Variants in LINGO2 observed in about 807,000 individuals in gnomAD.
LINGO2 encodes the protein leucine-rich repeat and immunoglobulin-like domain-containing nogo receptor-interacting protein 2.
Under a neutral mutation model 30.6 loss-of-function variants are expected in LINGO2, and 14 were observed. The ratio of observed to expected loss-of-function variants is 0.46; its 90% CI spans 0.30 to 0.72. The LOEUF (loss-of-function observed/expected upper bound fraction) is 0.72. LINGO2 is among the 30% of genes least tolerant of loss of function. The probability of loss-of-function intolerance (pLI) is 0.07; values close to 1 mark genes in which losing one functional copy is unlikely to be tolerated. For synonymous variants in LINGO2, 317 were observed against 288.5 expected, an observed-to-expected ratio of 1.10 and a Z score of -1.00; for missense variants, 729 against 751.7, an observed-to-expected ratio of 0.97 and a Z score of 0.35.
intron 3 of LINGO2, among the ~76,000 whole-genome samples, chr9:28,328,622 C>CATAAA (rs1259113634): frequency 6.6e-6 from 1 of 150,974 alleles, no homozygotes; most frequent in Non-Finnish European, 1.5e-5. Flanking sequence ...TTGGGAATGG[C>CATAAA]ATAAAACAAA....
intron 1 of LINGO2, among the ~76,000 whole-genome samples, chr9:28,568,114 A>C (rs544623982): frequency 1.4e-4 from 21 of 152,282 alleles, no homozygotes; most frequent in Admixed American, 1.2e-3. Flanking sequence ...CCCACAGTGA[A>C]CAAATTCTGA....
At chr9:29,141,177 A>G in the LINGO2 span, among the ~76,000 whole-genome samples, 7 of 152,068 alleles carry the variant, frequency 4.6e-5, no homozygotes, top group Admixed American at 3.3e-4. Flanking sequence ...AAATAACTTT[A>G]AACACTGGTA....
chr9:28,266,286 T>C (rs1176856713), intron 4 of LINGO2, among the ~76,000 whole-genome samples: 2 of 152,106 alleles, frequency 1.3e-5, no homozygotes, highest in South Asian at 2.1e-4. Context: ...ATTACTTGAA[T>C]AGTATAATGT....
At chr9:28,946,576 A>T in the LINGO2 span, among the ~76,000 whole-genome samples, 1 of 152,154 alleles carries the variant, frequency 6.6e-6, no homozygotes, top group African/African-American at 2.4e-5. Context: ...AATATCTTCC[A>T]TGCATTCACT....
chr9:28,102,280 T>A (rs1203112527), intron 4 of LINGO2, among the ~76,000 whole-genome samples: 1 of 151,978 alleles, frequency 6.6e-6, no homozygotes, highest in Non-Finnish European at 1.5e-5. Flanking sequence ...AACAGCCATG[T>A]GGGAAACTAG....
the LINGO2 span, among the ~76,000 whole-genome samples, chr9:29,085,791 T>C: frequency 3.3e-5 from 5 of 152,158 alleles, no homozygotes. Context: ...ATTAGATAAA[T>C]GTTTATCCAC....
chr9:28,331,773 A>G (rs191083432), intron 3 of LINGO2, among the ~76,000 whole-genome samples: 221 of 152,234 alleles, frequency 1.5e-3, no homozygotes, highest in African/African-American at 5.2e-3. Flanking sequence ...CCCCAAAATG[A>G]TAGGATTACA....
chr9:28,802,148 G>C, the LINGO2 span, among the ~76,000 whole-genome samples: 1 of 151,844 alleles, frequency 6.6e-6, no homozygotes, highest in African/African-American at 2.4e-5. Context: ...TTACCTTCTA[G>C]AATATAAATT....
At position 28,130,501 on chromosome 9, in the gene LINGO2, T is replaced by A. The variant is rs578218560; in HGVS notation, c.-86-118096A>T. ...CACCATGTTACCACTGACAGTCATT[T>A]AATCTCTGTTAGAAATACCTGTAGA... is the stretch of plus-strand genomic sequence containing the variant. On this transcript the variant is annotated intron_variant, in intron 4 of 5. Transcript: ENST00000379992. The surrounding 1 kb of genome is among the most constrained non-coding windows in gnomAD (Gnocchi z 5.2). Among the ~76,000 whole-genome samples, 1 of 152,356 alleles carries A rather than the reference T, an allele frequency of 6.6e-6. No homozygotes were observed. Among genetic ancestry groups the A allele is most frequent in the South Asian group, 2.1e-4 (1 of 4,830 alleles).
chr9:28,996,938 T>C, the LINGO2 span, among the ~76,000 whole-genome samples: 1 of 152,122 alleles, frequency 6.6e-6, no homozygotes, highest in Non-Finnish European at 1.5e-5. Flanking sequence ...ACATTGTATG[T>C]GTGTGTGTTC....
chr9:28,237,448 C>A (rs1821614277), intron 4 of LINGO2, among the ~76,000 whole-genome samples: 1 of 152,026 alleles, frequency 6.6e-6, no homozygotes, highest in South Asian at 2.1e-4. Flanking sequence ...ACTTATCTGT[C>A]ACTCAATAAT....
chr9:29,122,020 G>A, the LINGO2 span, among the ~76,000 whole-genome samples: 1 of 152,026 alleles, frequency 6.6e-6, no homozygotes, highest in East Asian at 1.9e-4. Flanking sequence ...AAACTTAAGG[G>A]TAGAAACTCA....
chr9:28,783,712 T>G, the LINGO2 span, among the ~76,000 whole-genome samples: 1 of 152,176 alleles, frequency 6.6e-6, no homozygotes, highest in South Asian at 2.1e-4. Flanking sequence ...ACATTCCAAA[T>G]AGAGGGAACT....
the LINGO2 span, among the ~76,000 whole-genome samples, chr9:29,020,992 C>A: frequency 3.3e-5 from 5 of 151,854 alleles, no homozygotes; most frequent in African/African-American, 1.2e-4. Flanking sequence ...GGATTTGAGG[C>A]AAAGGTGTGG....
At chr9:28,840,472 T>C in the LINGO2 span, among the ~76,000 whole-genome samples, 1 of 151,870 alleles carries the variant, frequency 6.6e-6, no homozygotes, top group Non-Finnish European at 1.5e-5. Context: ...CATTCTTCTA[T>C]GACATAACAA....
chr9:28,650,721 CAACA>C (rs1023869217), intron 1 of LINGO2, among the ~76,000 whole-genome samples: 120 of 152,224 alleles, frequency 7.9e-4, no homozygotes, highest in African/African-American at 2.6e-3. Flanking sequence ...TCTACATTCT[CAACA>C]AACAAACAAA....
chr9:27,949,958 C>G, exon 6 of LINGO2: 1 of 1,614,064 alleles, frequency 6.2e-7, no homozygotes, highest in Admixed American at 1.7e-5. Context: ...GCATCATATC[C>G]AGTAAAGGCC....
chr9:28,194,863 G>C (rs985408953), intron 4 of LINGO2, among the ~76,000 whole-genome samples: 4 of 151,862 alleles, frequency 2.6e-5, no homozygotes, highest in African/African-American at 9.7e-5. Context: ...AATGTACAAA[G>C]ATCTAACAAT....
the LINGO2 span, among the ~76,000 whole-genome samples, chr9:29,209,824 A>G: frequency 6.6e-6 from 1 of 152,170 alleles, no homozygotes; most frequent in Admixed American, 6.5e-5. Context: ...TATGACAAAG[A>G]GAAATATTTA....
Sources: allele counts gnomAD v4.1 joint callset (sites outside exome capture counted in the v4.1 genomes callset), GRCh38; gene constraint gnomAD v4.1.1; non-coding constraint Gnocchi (gnomAD v3.1); transcripts MANE v1.5; gene names NCBI Gene and HGNC (gene_info 2026-07-23, HGNC 2026-07-21).